ZMYND8: variants seen among roughly 807,000 people sequenced by gnomAD.
ZMYND8 encodes the protein zinc finger MYND-type containing 8.
ZMYND8 carries 37 observed loss-of-function variants against 140.8 expected under a neutral mutation model. The ratio of observed to expected loss-of-function variants is 0.26; its 90% CI spans 0.20 to 0.35. The LOEUF is 0.35. Ranked by LOEUF, ZMYND8 falls within the 10% of genes least tolerant of loss-of-function variation. The probability of loss-of-function intolerance (pLI) is 1.00; values close to 1 mark genes in which losing one functional copy is unlikely to be tolerated. For missense variants in ZMYND8, 1,068 were observed against 1,570.0 expected (o/e 0.68, Z 5.40); for synonymous variants, 592 against 597.1 (o/e 0.99, Z 0.12).
intron 4 of ZMYND8, among the ~76,000 whole-genome samples, chr20:47,296,796 AAACTTAGT>A (rs2077666065): frequency 6.6e-6 from 1 of 151,924 alleles, no homozygotes; most frequent in African/African-American, 2.4e-5. Flanking sequence ...TCTCTACAAA[AAACTTAGT>A]AAGTAGCTAG....
chr20:47,331,616 A>G (rs565791386), intron 2 of ZMYND8, among the ~76,000 whole-genome samples: 1 of 152,336 alleles, frequency 6.6e-6, no homozygotes, highest in Admixed American at 6.5e-5. Flanking sequence ...GACAGGGCCA[A>G]GCTTTCAGCA....
At position 47,209,675 on chromosome 20, in the gene ZMYND8, C is replaced by T. The variant is rs778525428; in HGVS notation, c.*1086G>A. On this transcript the variant is annotated 3_prime_UTR_variant, in exon 23 of 23. Transcript: ENST00000471951. ...TCTCATATACATACATCACCTTTTG[C>T]TTTTTCATCAATGCTTTTTGTTTTA... 3 of 152,630 alleles carry T rather than the reference C, an allele frequency of 2.0e-5. No individual in the cohort carries two copies. Among genetic ancestry groups the T allele is most frequent in the Non-Finnish European group, 4.4e-5 (3 of 68,044 alleles). The allele number at this position is 152,630 out of a possible 1,614,324, so 9.5% of individuals were successfully genotyped here.
At chr20:47,320,653 A>T (rs1338373733) in intron 2 of ZMYND8, 1 of 152,264 alleles carries the variant, frequency 6.6e-6, no homozygotes, top group Non-Finnish European at 1.5e-5. Context: ...TGACCCCAGG[A>T]GGCTGGAGTG....
intron 14 of ZMYND8, among the ~76,000 whole-genome samples, chr20:47,244,659 G>A (rs1171910534): frequency 6.6e-6 from 1 of 152,252 alleles, no homozygotes; most frequent in East Asian, 1.9e-4. Flanking sequence ...GGCCAGGGAT[G>A]CTGGAAAACA....
intron 2 of ZMYND8, among the ~76,000 whole-genome samples, chr20:47,345,901 T>G (rs1328331822): frequency 6.6e-6 from 1 of 151,934 alleles, no homozygotes; most frequent in African/African-American, 2.4e-5. Context: ...CAACTGATCC[T>G]CCCACTTCAG....
At chr20:47,301,675 C>T (rs963039238) in intron 3 of ZMYND8, among the ~76,000 whole-genome samples, 5 of 151,880 alleles carry the variant, frequency 3.3e-5, no homozygotes, top group African/African-American at 9.7e-5. Context: ...GCTCCAAAAT[C>T]CTTAAGTTTT....
rs1486889555 is a variant in ZMYND8, at chr20:47,318,662, G to T, written c.86-8458C>A. ...ACGCTGACCGTCTCTTAGACCCACAGAAACTCGAGGACCGGTCTGCACCCT... is the reference window on the plus strand; with the variant it reads ...ACGCTGACCGTCTCTTAGACCCACATAAACTCGAGGACCGGTCTGCACCCT... On this transcript the variant is annotated intron_variant, in intron 2 of 22. Transcript: ENST00000471951. The T allele has an allele frequency of 1.1e-5, 5 of 449,878 alleles. No homozygotes were observed. The Admixed American group carries it at 1.2e-4, about 11-fold the overall frequency. 27.9% of individuals were successfully genotyped at this position (449,878 alleles called of 1,614,324 possible).
chr20:47,355,077 A>G (rs1170028138), intron 1 of ZMYND8, among the ~76,000 whole-genome samples: 2 of 152,086 alleles, frequency 1.3e-5, no homozygotes, highest in Admixed American at 6.6e-5. Flanking sequence ...TACACCACCA[A>G]TGTTTTTAGG....
chr20:47,311,897 A>G (rs2078963210), intron 2 of ZMYND8, among the ~76,000 whole-genome samples: 2 of 152,098 alleles, frequency 1.3e-5, no homozygotes, highest in South Asian at 4.1e-4. Context: ...ATACATAAAC[A>G]CAGGTACACT....
At chr20:47,217,411 G>GA (rs1298329999) in intron 21 of ZMYND8, among the ~76,000 whole-genome samples, 4 of 152,166 alleles carry the variant, frequency 2.6e-5, no homozygotes, top group Non-Finnish European at 5.9e-5. Context: ...AGAGAATCAA[G>GA]AAATATGAGA....
intron 10 of ZMYND8, among the ~76,000 whole-genome samples, chr20:47,279,101 C>T (rs891907659): frequency 6.6e-6 from 1 of 152,120 alleles, no homozygotes; most frequent in South Asian, 2.1e-4. Flanking sequence ...GTATCTAAGG[C>T]GCTCACTGTT....
At chr20:47,291,323 G>A (rs2147973059) in intron 6 of ZMYND8, among the ~76,000 whole-genome samples, 1 of 152,334 alleles carries the variant, frequency 6.6e-6, no homozygotes, top group Non-Finnish European at 1.5e-5. Flanking sequence ...TGGAATTTTA[G>A]CATGAACTTT....
chr20:47,351,046 C>G (rs6066282), intron 1 of ZMYND8, among the ~76,000 whole-genome samples: 2 of 152,158 alleles, frequency 1.3e-5, no homozygotes, highest in Non-Finnish European at 2.9e-5. Flanking sequence ...ATAACAGTAC[C>G]TGCAAAGATA....
intron 11 of ZMYND8, among the ~76,000 whole-genome samples, chr20:47,270,572 A>C (rs989041436): frequency 1.3e-5 from 2 of 151,198 alleles, no homozygotes; most frequent in African/African-American, 4.9e-5. Flanking sequence ...AGTACATAAA[A>C]GTTGATAGCT....
rs57968979 is a variant in ZMYND8 at position 47,333,724 on chromosome 20, C to CAAAAAAAAA, written c.85+14123_85+14131dup. Among the ~76,000 whole-genome samples the CAAAAAAAAA allele has an allele frequency of 4.4e-4, 13 of 29,742 alleles. 2 individuals are homozygous for CAAAAAAAAA. The highest frequency in any genetic ancestry group is 1.3e-3 in the African/African-American group (12 of 9,080). The allele number at this position is 29,742 out of a possible 152,430, so 19.5% of individuals were successfully genotyped here. The stretch of plus-strand genomic sequence containing the variant: ...CTGGTGACAGAGCGAGACTCCGTCT[C>CAAAAAAAAA]AAAAAAAAAAAAAAAAAAAAAAAAA... On this transcript the variant is annotated intron_variant, in intron 2 of 22. Coordinates refer to ENST00000471951, the MANE Select transcript of ZMYND8 (RefSeq NM_001281775.3).
intron 4 of ZMYND8, among the ~76,000 whole-genome samples, chr20:47,295,306 TG>T (rs1556033044): frequency 3.9e-5 from 6 of 152,154 alleles, no homozygotes; most frequent in Non-Finnish European, 2.9e-5. Context: ...GGTGGGAGGA[TG>T]GGTTGAGCCT....
intron 13 of ZMYND8, 123 bp downstream of exon 13, chr20:47,249,164 T>A: frequency 4.2e-6 from 5 of 1,193,780 alleles, no homozygotes; most frequent in Non-Finnish European, 5.8e-6. Context: ...GAGCAAATAG[T>A]TGAAAGTTAA....
intron 2 of ZMYND8, among the ~76,000 whole-genome samples, chr20:47,321,115 C>T (rs1023584855): frequency 3.9e-5 from 6 of 152,116 alleles, no homozygotes; most frequent in African/African-American, 9.7e-5. Context: ...ACATATTTAA[C>T]GAAGGTATTT....
intron 15 of ZMYND8, 122 bp downstream of exon 15, chr20:47,238,636 G>C: frequency 6.7e-7 from 1 of 1,499,832 alleles, no homozygotes; most frequent in South Asian, 1.2e-5. Flanking sequence ...AGGCCTTCAA[G>C]ATACAATGGC....
Sources: allele counts gnomAD v4.1 joint callset (sites outside exome capture counted in the v4.1 genomes callset), GRCh38; gene constraint gnomAD v4.1.1; transcripts MANE v1.5; gene names NCBI Gene and HGNC (gene_info 2026-07-23, HGNC 2026-07-21).